Variants in SEMA3E observed in about 807,000 individuals in gnomAD.
SEMA3E encodes semaphorin-3E.
Under a neutral mutation model 93.6 loss-of-function variants are expected in SEMA3E, and 49 were observed. The ratio of observed to expected loss-of-function variants is 0.52; its 90% CI spans 0.42 to 0.66. The LOEUF is 0.66. Ranked by LOEUF, SEMA3E falls within the 30% of genes least tolerant of loss-of-function variation. The pLI, the probability that SEMA3E is intolerant of heterozygous loss-of-function variation, is 0.00. For missense variants in SEMA3E, 906 were observed against 964.8 expected (o/e 0.94, Z 0.81); for synonymous variants, 363 against 330.7 (o/e 1.10, Z -1.06).
At chr7:83,398,779 T>C (rs746698132) in intron 11 of SEMA3E, among the ~76,000 whole-genome samples, 1 of 152,062 alleles carries the variant, frequency 6.6e-6, no homozygotes, top group Non-Finnish European at 1.5e-5. Flanking sequence ...CCCCTGTCTC[T>C]ACTAAAAATA....
At chr7:83,379,373 C>T (rs964712085) in intron 16 of SEMA3E, among the ~76,000 whole-genome samples, 2 of 151,600 alleles carry the variant, frequency 1.3e-5, no homozygotes, top group African/African-American at 2.4e-5. Flanking sequence ...CACCTGTAAC[C>T]CCCAAATTTG....
At chr7:83,642,524 A>G (rs1794026936) in intron 1 of SEMA3E, among the ~76,000 whole-genome samples, 1 of 152,152 alleles carries the variant, frequency 6.6e-6, no homozygotes, top group African/African-American at 2.4e-5. Flanking sequence ...GAATATCCAG[A>G]CTATAAAATA....
intron 11 of SEMA3E, among the ~76,000 whole-genome samples, 177 bp downstream of exon 11, chr7:83,399,851 C>T (rs1788202872): frequency 6.6e-6 from 1 of 152,134 alleles, no homozygotes; most frequent in Non-Finnish European, 1.5e-5. Flanking sequence ...CTGGCCTAAA[C>T]TCTTACTATT....
chr7:83,478,159 G>A (rs1790059476), intron 2 of SEMA3E, among the ~76,000 whole-genome samples: 1 of 152,154 alleles, frequency 6.6e-6, no homozygotes, highest in East Asian at 1.9e-4. Flanking sequence ...CTGACCTCAG[G>A]TGATCTGCCC....
Position 83,406,055 on chromosome 7 carries a change from T to A in SEMA3E, c.818A>T (p.Asp273Val). The A allele has an allele frequency of 6.2e-7, 1 of 1,610,416 alleles. No homozygotes were observed. The highest frequency in any genetic ancestry group is 8.5e-7 in the Non-Finnish European group (1 of 1,176,948). The change falls in exon 8 of 17, where the codon GAT (aspartate) becomes GTT (valine). Residue 273 changes from aspartate to valine, a missense_variant. Coordinates refer to ENST00000643230, the MANE Select transcript of SEMA3E (RefSeq NM_012431.3). Reference protein sequence around the residue: ...YTRVGRLCVNDVGGQRILVNK... With the variant: ...YTRVGRLCVNVVGGQRILVNK... Reference sequence around the variant, plus strand: ...CACCAGTATTCTCTGCCCTCCTACATCATTCTGTGAAAACCAAAAAGGAGG... The same window carrying A: ...CACCAGTATTCTCTGCCCTCCTACAACATTCTGTGAAAACCAAAAAGGAGG...
At chr7:83,466,121 A>C (rs184304195) in intron 4 of SEMA3E, among the ~76,000 whole-genome samples, 6 of 152,326 alleles carry the variant, frequency 3.9e-5, no homozygotes, top group Non-Finnish European at 7.3e-5. Context: ...TAAATTATAT[A>C]TGTACACACA....
chr7:83,529,269 A>T (rs1791232802), intron 1 of SEMA3E, among the ~76,000 whole-genome samples: 1 of 152,036 alleles, frequency 6.6e-6, no homozygotes, highest in African/African-American at 2.4e-5. Flanking sequence ...CTAAAACTGT[A>T]CTTCAGTTAT....
chr7:83,598,072 G>A (rs568100545), intron 1 of SEMA3E, among the ~76,000 whole-genome samples: 1 of 152,306 alleles, frequency 6.6e-6, no homozygotes, highest in East Asian at 1.9e-4. Flanking sequence ...ATCAATATAT[G>A]AGTTAGGTTT....
chr7:83,389,606 C>T (rs1175867461), intron 14 of SEMA3E, among the ~76,000 whole-genome samples: 3 of 151,292 alleles, frequency 2.0e-5, no homozygotes, highest in East Asian at 3.9e-4. Flanking sequence ...CATATATACA[C>T]GTATATATTA....
intron 1 of SEMA3E, among the ~76,000 whole-genome samples, chr7:83,556,481 C>T (rs534408608): frequency 3.3e-5 from 5 of 152,074 alleles, no homozygotes; most frequent in Non-Finnish European, 7.4e-5. Flanking sequence ...TGTTACATTT[C>T]GTGAGAAAAT....
At chr7:83,418,037 T>C (rs191640938) in intron 5 of SEMA3E, among the ~76,000 whole-genome samples, 337 of 152,250 alleles carry the variant, frequency 2.2e-3, no homozygotes, top group African/African-American at 7.4e-3. Context: ...AATTGAAACA[T>C]GAAGAATTAA....
intron 7 of SEMA3E, among the ~76,000 whole-genome samples, chr7:83,406,523 C>T (rs1196422506): frequency 6.6e-6 from 1 of 151,714 alleles, no homozygotes; most frequent in Non-Finnish European, 1.5e-5. Flanking sequence ...TATACATACA[C>T]CACACACACA....
intron 4 of SEMA3E, among the ~76,000 whole-genome samples, chr7:83,424,429 T>C (rs1012481731): frequency 6.6e-6 from 1 of 152,038 alleles, no homozygotes; most frequent in Admixed American, 6.6e-5. Context: ...TTTGGAAAGG[T>C]CATTTTAATT....
intron 1 of SEMA3E, among the ~76,000 whole-genome samples, chr7:83,529,908 C>T (rs1277030523): frequency 6.6e-6 from 1 of 152,036 alleles, no homozygotes; most frequent in Non-Finnish European, 1.5e-5. Flanking sequence ...TTCTTCTCTC[C>T]ATCTGTAGTA....
intron 12 of SEMA3E, among the ~76,000 whole-genome samples, chr7:83,394,738 A>G (rs1788088079): frequency 6.6e-6 from 1 of 152,212 alleles, no homozygotes; most frequent in South Asian, 2.1e-4. Flanking sequence ...TTGCTAATAA[A>G]CCAGGTGATT....
Position 83,408,416 on chromosome 7 carries a change from G to T in SEMA3E, c.622C>A (p.Arg208=). Residue 208 remains arginine, a synonymous_variant, in exon 6 of 17, where the codon CGA becomes AGA. Transcript: ENST00000643230. ...RDAAIFRSMG[R]LAHIRTEHDD... is the part of the protein sequence containing the mutation. ...TGCTCAGTGCGGATATGGGCCAGTC[G>T]CCCCATGCTGCGGAAGATCGCAGCG... The T allele has an allele frequency of 6.2e-7, 1 of 1,613,716 alleles. No individual in the cohort carries two copies. The highest frequency in any genetic ancestry group is 8.5e-7 in the Non-Finnish European group (1 of 1,179,830).
intron 4 of SEMA3E, among the ~76,000 whole-genome samples, chr7:83,430,906 A>G (rs112828007): frequency 0.013 from 1,996 of 152,250 alleles, 46 homozygotes; most frequent in African/African-American, 0.046. Context: ...CGAAACCAAA[A>G]GTTACTATGG....
At chr7:83,584,620 A>G (rs1199219557) in intron 1 of SEMA3E, among the ~76,000 whole-genome samples, 1 of 152,164 alleles carries the variant, frequency 6.6e-6, no homozygotes, top group African/African-American at 2.4e-5. Flanking sequence ...ACACAAAGCA[A>G]GCTGCTCTAC....
In SEMA3E at chr7:83,367,083, T is replaced by A. The variant is rs1035604994; in HGVS notation, c.*503A>T. The A allele has an allele frequency of 5.9e-6, 1 of 169,102 alleles. No individual in the cohort carries two copies. Among genetic ancestry groups the A allele is most frequent in the South Asian group, 1.4e-4 (1 of 6,926 alleles). 10.5% of individuals were successfully genotyped at this position (169,102 alleles called of 1,614,324 possible). The stretch of plus-strand genomic sequence containing the variant: ...CAACACACCTGCTACTTAACACTCA[T>A]GGCTTAAACAACACTAATAAAATAA... On this transcript the variant is annotated 3_prime_UTR_variant, in exon 17 of 17. Transcript: ENST00000643230.
Sources: gnomAD v4.1 joint callset for allele counts (sites outside exome capture counted in the v4.1 genomes callset) on GRCh38, gnomAD v4.1.1 for gene constraint, MANE v1.5 for transcripts, NCBI Gene and HGNC (gene_info 2026-07-23, HGNC 2026-07-21) for gene names.